The following AFF3 variants were observed in gnomAD, a reference collection of about 807,000 sequenced individuals.
AFF3 encodes AF4/FMR2 family member 3.
Under a neutral mutation model 129.7 loss-of-function variants are expected in AFF3, and 32 were observed. That is an observed-to-expected ratio of 0.25 (90% CI 0.19 to 0.33). The LOEUF (loss-of-function observed/expected upper bound fraction) is 0.33. AFF3 is among the 10% of genes least tolerant of loss of function. The probability of loss-of-function intolerance (pLI) is 1.00; values close to 1 mark genes in which losing one functional copy is unlikely to be tolerated. For synonymous variants in AFF3, 644 were observed against 635.4 expected (o/e 1.01, Z -0.20); for missense variants, 1,373 against 1,592.0 (o/e 0.86, Z 2.34).
intron 4 of AFF3, among the ~76,000 whole-genome samples, chr2:100,014,806 C>T (rs563241540): frequency 2.9e-5 from 3 of 101,830 alleles, no homozygotes; most frequent in South Asian, 2.7e-4. Flanking sequence ...TTTTTTTAGA[C>T]GGAGTCTCAC....
chr2:99,615,012 T>A (rs1328959961), intron 13 of AFF3, among the ~76,000 whole-genome samples: 1 of 152,206 alleles, frequency 6.6e-6, no homozygotes, highest in Non-Finnish European at 1.5e-5. Context: ...TTTCAGAGTA[T>A]AATGTAATAA....
At chr2:100,130,371 C>A (rs908821566) in intron 1 of AFF3, among the ~76,000 whole-genome samples, 1 of 152,142 alleles carries the variant, frequency 6.6e-6, no homozygotes, top group Non-Finnish European at 1.5e-5. Context: ...TCATCTGGGC[C>A]TGTCCTCTGC....
At chr2:99,657,735 A>C (rs1043223715) in intron 12 of AFF3, among the ~76,000 whole-genome samples, 3 of 152,218 alleles carry the variant, frequency 2.0e-5, no homozygotes, top group Admixed American at 6.5e-5. Context: ...GTTTATGTCT[A>C]CTAGAAATTT....
chr2:99,565,772 T>C (rs538054097), intron 19 of AFF3, 149 bp from the exon 20 acceptor site: 3 of 917,196 alleles, frequency 3.3e-6, no homozygotes, highest in East Asian at 5.3e-5. Flanking sequence ...GAATACTTCT[T>C]TTCCTACTTA....
chr2:99,583,983 G>A (rs191366647), intron 16 of AFF3, among the ~76,000 whole-genome samples: 25 of 151,922 alleles, frequency 1.6e-4, no homozygotes, highest in Middle Eastern at 3.4e-3. Context: ...GATTACAGGC[G>A]TGAGCTACCG....
chr2:99,919,442 A>G (rs1020690101), intron 7 of AFF3, among the ~76,000 whole-genome samples: 8 of 152,102 alleles, frequency 5.3e-5, no homozygotes, highest in African/African-American at 1.9e-4. Flanking sequence ...AACTAACCCA[A>G]TCCTCCAGGC....
intron 14 of AFF3, 121 bp downstream of exon 14, chr2:99,601,314 T>C (rs1679802893): frequency 8.3e-6 from 10 of 1,198,402 alleles, no homozygotes; most frequent in Non-Finnish European, 1.1e-5. Context: ...TCCCAGCACC[T>C]GGCTTGGGGT....
rs117232252 is a variant in AFF3 at position 99,786,566 on chromosome 2, C to T, written c.922-34265G>A. Among the ~76,000 whole-genome samples the T allele has an allele frequency of 5.1e-4, 78 of 152,186 alleles. 1 individual carries two copies. The East Asian group carries it at 0.012, about 23-fold the overall frequency. On this transcript the variant is annotated intron_variant, in intron 8 of 24. Transcript: ENST00000672756. ...AAGTATGACAGCGCAATGCAGTAAGCGTAAGGTTGATAATTGTGGCTCTGC... is the reference window on the plus strand; with the variant it reads ...AAGTATGACAGCGCAATGCAGTAAGTGTAAGGTTGATAATTGTGGCTCTGC...
chr2:99,578,444 G>A lies in AFF3; in HGVS notation c.2801C>T (p.Ala934Val), dbSNP rs758858460. ...QPHGGDLTKA[A>V]HNNSENIPLH... is the part of the protein sequence containing the mutation. ...GGGAATGTTTTCAGAATTGTTGTGA[G>A]CTGCTTTCTAAACAACAAACAACAC... Residue 934 changes from alanine (A) to valine (V), a missense_variant, in exon 18 of 25, where the codon GCT becomes GTT. Physicochemically the swap from Ala to Val is moderately conservative, Grantham distance 64 (BLOSUM62 0). This residue lies in a region of AFF3 where 466 missense variants were observed against 505.0 expected (regional missense o/e 0.92). Transcript: ENST00000672756. 5 of 1,610,216 alleles carry A rather than the reference G, an allele frequency of 3.1e-6. No homozygotes were observed. Among genetic ancestry groups the A allele is most frequent in the African/African-American group, 2.7e-5 (2 of 74,772 alleles).
At chr2:99,895,422 G>A (rs891508049) in intron 7 of AFF3, among the ~76,000 whole-genome samples, 8 of 152,200 alleles carry the variant, frequency 5.3e-5, no homozygotes, top group Admixed American at 2.0e-4. Flanking sequence ...ATGATATGCT[G>A]AAATTTAGAT....
intron 11 of AFF3, among the ~76,000 whole-genome samples, chr2:99,706,031 C>G (rs1461251320): frequency 1.3e-5 from 2 of 152,102 alleles, no homozygotes; most frequent in African/African-American, 4.8e-5. Context: ...CCCAGCCACA[C>G]TTAAGCAGAA....
intron 4 of AFF3, among the ~76,000 whole-genome samples, chr2:100,096,001 A>G (rs1471675334): frequency 1.3e-5 from 2 of 152,098 alleles, no homozygotes; most frequent in African/African-American, 4.8e-5. Context: ...CTCGTAGGAC[A>G]CTAGGAAAGT....
intron 4 of AFF3, among the ~76,000 whole-genome samples, chr2:100,031,877 G>A (rs1168785252): frequency 6.6e-6 from 1 of 152,208 alleles, no homozygotes; most frequent in East Asian, 1.9e-4. Context: ...AATTTATGTA[G>A]ATATTCCAAG....
At chr2:100,047,183 C>T (rs939630710) in intron 4 of AFF3, among the ~76,000 whole-genome samples, 2 of 152,216 alleles carry the variant, frequency 1.3e-5, no homozygotes, top group South Asian at 2.1e-4. Flanking sequence ...TCTCCACCGT[C>T]GCTGAAGGCG....
intron 18 of AFF3, among the ~76,000 whole-genome samples, chr2:99,570,539 T>C (rs1295474145): frequency 6.6e-6 from 1 of 152,108 alleles, no homozygotes; most frequent in African/African-American, 2.4e-5. Flanking sequence ...GGTTTTGCCA[T>C]GTTGCAAAGG....
Position 99,568,868 on chromosome 2 carries a change from T to C in AFF3, c.2966A>G (p.His989Arg). Reference sequence around the variant, plus strand: ...GGGTCTCACCATTGCATCTGCTTTATGCTTCATTCGTTTAGCTTCTTGCAT... The same window carrying C: ...GGGTCTCACCATTGCATCTGCTTTACGCTTCATTCGTTTAGCTTCTTGCAT... ...YFMQEAKRMK[H>R]KADAMVEKFG... is the part of the protein sequence containing the mutation. The change falls in exon 19 of 25, where the codon CAT (histidine) becomes CGT (arginine). Residue 989 changes from histidine to arginine, a missense_variant. Around this residue, in one of 9 missense-constraint regions of AFF3, gnomAD observed 65 missense variants for 102.1 expected, o/e 0.64. Transcript: ENST00000672756. 1 of 1,614,170 alleles carries C rather than the reference T, an allele frequency of 6.2e-7. No homozygotes were observed. The highest frequency in any genetic ancestry group is 8.5e-7 in the Non-Finnish European group (1 of 1,180,000).
chr2:99,596,482 C>T (rs1163945560), intron 14 of AFF3, among the ~76,000 whole-genome samples: 6 of 151,812 alleles, frequency 4.0e-5, no homozygotes, highest in Admixed American at 3.9e-4. Flanking sequence ...TCGCCTGTGC[C>T]TCAGCTTCCC....
rs118185335 is a variant in AFF3 at position 100,003,087 on chromosome 2, A to C, written c.873+3545T>G. On this transcript the variant is annotated intron_variant, in intron 7 of 24. Transcript: ENST00000672756. ...ATGATGCTTAAGCTTCAGGGTCTCT[A>C]AGGCTCTGGGGAGTTGGGGGTCGGG... Among the ~76,000 whole-genome samples, 6 of 102,236 alleles carry C rather than the reference A, an allele frequency of 5.9e-5. No individual in the cohort carries two copies. The East Asian group carries it at 2.0e-3, about 35-fold the overall frequency. The allele number at this position is 102,236 out of a possible 152,430, so 67.1% of individuals were successfully genotyped here. A position where few individuals can be genotyped will look rare whatever the true frequency, so the allele number is the denominator to read the frequency against.
In AFF3 at chr2:99,710,653, C is replaced by CT. The variant is rs575674538; in HGVS notation, c.1091+16423dup. ...TCCTTATTTTTAAAGCAAGAATAGC[C>CT]TTTTTTGACACAAAAAGGTGAGTGC... is the stretch of plus-strand genomic sequence containing the variant. On this transcript the variant is annotated intron_variant, in intron 11 of 24. Coordinates refer to ENST00000672756, the MANE Select transcript of AFF3 (RefSeq NM_001386135.1). 2.3e-3 allele frequency among the ~76,000 whole-genome samples: 354 copies of CT among 152,232 alleles called. 2 individuals are homozygous for CT. Among genetic ancestry groups the CT allele is most frequent in the African/African-American group, 8.1e-3 (336 of 41,546 alleles).
Sources: gnomAD v4.1 joint callset for allele counts (sites outside exome capture counted in the v4.1 genomes callset) on GRCh38, gnomAD v4.1.1 for gene constraint, gnomAD v4.1.1 regional missense constraint, MANE v1.5 for transcripts, NCBI Gene and HGNC (gene_info 2026-07-23, HGNC 2026-07-21) for gene names.